Variants in MALRD1 observed in about 807,000 individuals in gnomAD.
MALRD1 encodes MAM and LDL-receptor class A domain-containing protein 1.
Under a neutral mutation model 242.1 loss-of-function variants are expected in MALRD1, and 247 were observed. That is an observed-to-expected ratio of 1.02 (90% CI 0.92 to 1.13). The LOEUF (loss-of-function observed/expected upper bound fraction) is 1.13. Among genes scored for constraint, MALRD1 ranks in the 50% most tolerant of loss-of-function variants. MALRD1 has a pLI of 0.00. For missense variants in MALRD1, 2,989 were observed against 2,533.1 expected, an observed-to-expected ratio of 1.18 and a Z score of -3.86; for synonymous variants, 995 against 866.6, an observed-to-expected ratio of 1.15 and a Z score of -2.60.
intron 19 of MALRD1, among the ~76,000 whole-genome samples, chr10:19,278,503 G>C (rs540778349): frequency 6.8e-6 from 1 of 147,968 alleles, no homozygotes; most frequent in Non-Finnish European, 1.5e-5. Flanking sequence ...CCATCCATCT[G>C]TCCATCTATC....
intron 28 of MALRD1, among the ~76,000 whole-genome samples, chr10:19,419,883 C>A (rs1833653291): frequency 6.6e-6 from 1 of 152,030 alleles, no homozygotes; most frequent in Non-Finnish European, 1.5e-5. Flanking sequence ...TAAATACTAT[C>A]CTACTATTAG....
chr10:19,292,556 A>T (rs1277218019), intron 21 of MALRD1, among the ~76,000 whole-genome samples: 2 of 152,114 alleles, frequency 1.3e-5, no homozygotes, highest in Non-Finnish European at 2.9e-5. Flanking sequence ...TATCTGTATT[A>T]TACATTTGTG....
At chr10:19,371,219 A>C (rs1845361023) in intron 26 of MALRD1, among the ~76,000 whole-genome samples, 1 of 152,036 alleles carries the variant, frequency 6.6e-6, no homozygotes, top group Admixed American at 6.5e-5. Flanking sequence ...ACTGCACTTT[A>C]GCCTGGGCAA....
chr10:19,722,672 T>C (rs1190658149), intron 38 of MALRD1: 2 of 150,398 alleles, frequency 1.3e-5, no homozygotes, highest in Non-Finnish European at 2.9e-5. Context: ...CACCTCCTTA[T>C]TGTTCTTTAT....
intron 26 of MALRD1, among the ~76,000 whole-genome samples, chr10:19,384,456 ATAT>A (rs1169891839): frequency 8.6e-6 from 1 of 116,852 alleles, no homozygotes; most frequent in African/African-American, 3.4e-5. Context: ...AGTATATATA[ATAT>A]AATATATACT....
intron 10 of MALRD1, among the ~76,000 whole-genome samples, chr10:19,145,755 G>A (rs1833707190): frequency 6.6e-6 from 1 of 151,104 alleles, no homozygotes; most frequent in African/African-American, 2.4e-5. Flanking sequence ...TTGAGAAAGT[G>A]TTAGGATAGA....
At chr10:19,068,162 C>T (rs1306525204) in intron 2 of MALRD1, among the ~76,000 whole-genome samples, 2 of 152,072 alleles carry the variant, frequency 1.3e-5, no homozygotes, top group South Asian at 4.2e-4. Flanking sequence ...CTTTTTACAG[C>T]ACATATTTAT....
At chr10:19,125,252 G>A (rs941120866) in intron 7 of MALRD1, among the ~76,000 whole-genome samples, 2 of 151,420 alleles carry the variant, frequency 1.3e-5, no homozygotes, top group African/African-American at 4.9e-5. Context: ...GGCCAAGTCG[G>A]CCAGCTCTTT....
intron 14 of MALRD1, among the ~76,000 whole-genome samples, chr10:19,177,378 A>G (rs1343413042): frequency 6.6e-6 from 1 of 152,012 alleles, no homozygotes; most frequent in Admixed American, 6.6e-5. Context: ...ATTAAATACC[A>G]CATCACCGGA....
chr10:19,714,015 T>C (rs184170709), intron 38 of MALRD1, among the ~76,000 whole-genome samples: 1 of 152,052 alleles, frequency 6.6e-6, no homozygotes, highest in African/African-American at 2.4e-5. Flanking sequence ...CCCATGGCAG[T>C]GTCTAGGGTT....
At chr10:19,690,656 G>A (rs1317811731) in intron 36 of MALRD1, among the ~76,000 whole-genome samples, 1 of 151,566 alleles carries the variant, frequency 6.6e-6, no homozygotes, top group Non-Finnish European at 1.5e-5. Context: ...AATTATTTCA[G>A]TCTAGTTTAA....
chr10:19,597,282 A>G (rs1838143168), intron 34 of MALRD1, among the ~76,000 whole-genome samples: 1 of 152,202 alleles, frequency 6.6e-6, no homozygotes, highest in Non-Finnish European at 1.5e-5. Flanking sequence ...ATTAAGTTCA[A>G]TATAGCCATA....
At chr10:19,544,923 A>C (rs866221359) in intron 32 of MALRD1, among the ~76,000 whole-genome samples, 1 of 152,168 alleles carries the variant, frequency 6.6e-6, no homozygotes, top group Admixed American at 6.5e-5. Context: ...TATGCAGTCT[A>C]CTATATTGGA....
intron 19 of MALRD1, among the ~76,000 whole-genome samples, chr10:19,273,112 C>G (rs2131854654): frequency 6.6e-6 from 1 of 152,276 alleles, no homozygotes; most frequent in Non-Finnish European, 1.5e-5. Flanking sequence ...GCCACACTGT[C>G]TTCCACAATG....
chr10:19,176,878 G>A (rs1835281460), intron 14 of MALRD1, among the ~76,000 whole-genome samples: 1 of 151,860 alleles, frequency 6.6e-6, no homozygotes, highest in Non-Finnish European at 1.5e-5. Flanking sequence ...GCATGTGTGT[G>A]TGTGTGTGTG....
intron 28 of MALRD1, among the ~76,000 whole-genome samples, chr10:19,434,635 T>G (rs1834276911): frequency 6.6e-6 from 1 of 151,892 alleles, no homozygotes; most frequent in African/African-American, 2.4e-5. Flanking sequence ...TCCTTTCCAT[T>G]TTTTTAAAGA....
intron 18 of MALRD1, among the ~76,000 whole-genome samples, chr10:19,244,522 C>T (rs928551244): frequency 1.7e-4 from 26 of 152,120 alleles, no homozygotes; most frequent in African/African-American, 2.7e-4. Context: ...GCCATGATCA[C>T]GCCCTGCTCT....
intron 26 of MALRD1, among the ~76,000 whole-genome samples, chr10:19,375,860 A>T (rs1296600984): frequency 6.6e-6 from 1 of 152,246 alleles, no homozygotes; most frequent in Non-Finnish European, 1.5e-5. Flanking sequence ...ACATTGGCTC[A>T]TGCCTGTAAT....
chr10:19,351,033 A>G (rs985777897), intron 25 of MALRD1, among the ~76,000 whole-genome samples: 2 of 152,186 alleles, frequency 1.3e-5, no homozygotes, highest in African/African-American at 4.8e-5. Flanking sequence ...CAGTTGGGAG[A>G]TGGGTAGAGT....
Sources: allele counts gnomAD v4.1 joint callset (sites outside exome capture counted in the v4.1 genomes callset), GRCh38; gene constraint gnomAD v4.1.1; transcripts MANE v1.5; gene names NCBI Gene and HGNC (gene_info 2026-07-23, HGNC 2026-07-21).